The following ZNF721 variants were observed in gnomAD, a reference collection of about 807,000 sequenced individuals.
The protein encoded by ZNF721 is zinc finger protein 721.
A neutral mutation model predicts 2.4 loss-of-function variants in ZNF721; 2 were observed. The ratio of observed to expected loss-of-function variants is 0.82; its 90% CI spans 0.34 to 2.58. ZNF721 has a LOEUF of 2.58. Among genes scored for constraint, ZNF721 ranks in the 30% most tolerant of loss-of-function variants. ZNF721 has a pLI of 0.11. For synonymous variants in ZNF721, 398 were observed against 381.8 expected, an observed-to-expected ratio of 1.04 and a Z score of -0.50; for missense variants, 1,187 against 1,085.5, an observed-to-expected ratio of 1.09 and a Z score of -1.31.
At chr4:476,887 C>A (rs1194453470) in intron 1 of ZNF721, among the ~76,000 whole-genome samples, 2 of 152,182 alleles carry the variant, frequency 1.3e-5, no homozygotes, top group African/African-American at 4.8e-5. Context: ...TAGGGAAAGT[C>A]CAGAATTAAG....
intron 1 of ZNF721, among the ~76,000 whole-genome samples, chr4:475,539 A>T (rs771650849): frequency 4.8e-4 from 73 of 152,114 alleles, no homozygotes; most frequent in Non-Finnish European, 9.0e-4. Context: ...CTCTATGGTC[A>T]TTACTCATAC....
At chr4:464,858 T>C (rs1715192347) in intron 2 of ZNF721, among the ~76,000 whole-genome samples, 1 of 151,572 alleles carries the variant, frequency 6.6e-6, no homozygotes, top group Non-Finnish European at 1.5e-5. Flanking sequence ...GGCGGGAGGA[T>C]CACGAGGTCA....
chr4:444,540 TACC>T (rs1243120180), intron 2 of ZNF721, 108 bp from the exon 3 acceptor site: 32 of 1,123,762 alleles, frequency 2.8e-5, no homozygotes, highest in Non-Finnish European at 3.5e-5. Flanking sequence ...CATAACAAAA[TACC>T]ACAAGTCATA....
chr4:445,970 A>G (rs1174501966), intron 2 of ZNF721, among the ~76,000 whole-genome samples: 1 of 151,878 alleles, frequency 6.6e-6, no homozygotes, highest in Non-Finnish European at 1.5e-5. Context: ...GATGCTGGAG[A>G]AAAAAAAATT....
intron 2 of ZNF721, among the ~76,000 whole-genome samples, chr4:450,956 AATATATATAT>A (rs71166812): frequency 0.26 from 16,337 of 62,514 alleles, 2,752 homozygotes; most frequent in South Asian, 0.33. Flanking sequence ...AAAAAAAAAA[AATATATATAT>A]ATATATATAT....
intron 2 of ZNF721, among the ~76,000 whole-genome samples, chr4:460,904 T>C (rs557992614): frequency 2.1e-4 from 32 of 152,296 alleles, no homozygotes; most frequent in East Asian, 1.5e-3. Flanking sequence ...CAGGAAGAAG[T>C]TGAACCCCTG....
chr4:451,417 C>T (rs55721944), intron 2 of ZNF721, among the ~76,000 whole-genome samples: 22,421 of 152,100 alleles, frequency 0.15, 2,313 homozygotes, highest in African/African-American at 0.29. Context: ...AGTGATGGGA[C>T]CTCGTGCCAA....
At chr4:474,497 T>C (rs1715573639) in intron 1 of ZNF721, among the ~76,000 whole-genome samples, 1 of 152,180 alleles carries the variant, frequency 6.6e-6, no homozygotes, top group Admixed American at 6.5e-5. Flanking sequence ...ACAATTATTT[T>C]AATATTTTAC....
intron 2 of ZNF721, among the ~76,000 whole-genome samples, chr4:452,005 A>G (rs11947207): frequency 0.078 from 11,879 of 152,258 alleles, 719 homozygotes; most frequent in African/African-American, 0.17. Flanking sequence ...ATTTCCCGGT[A>G]TAGATGGTGC....
At chr4:468,206 G>A (rs1485978425) in intron 2 of ZNF721, among the ~76,000 whole-genome samples, 1 of 151,844 alleles carries the variant, frequency 6.6e-6, no homozygotes, top group Non-Finnish European at 1.5e-5. Context: ...GGCGGAGCTT[G>A]CAGTGAGCTG....
At chr4:469,933 G>A (rs1298193700) in intron 2 of ZNF721, among the ~76,000 whole-genome samples, 2 of 152,296 alleles carry the variant, frequency 1.3e-5, no homozygotes, top group Middle Eastern at 3.4e-3. Flanking sequence ...CCAGACTGGA[G>A]TGCAGTGGCG....
rs1300542542 is a variant in ZNF721, at chr4:442,135, T to C, written c.2332A>G (p.Lys778Glu). 15 of 1,613,526 alleles carry C rather than the reference T, an allele frequency of 9.3e-6. No individual in the cohort carries two copies. Among genetic ancestry groups the C allele is most frequent in the East Asian group, 2.2e-5 (1 of 44,882 alleles). ...CATTCCTTACATTTGTAGGGTTTCTTTCCAGTATGAATTTTCTCATGTCTA... is the reference window on the plus strand; with the variant it reads ...CATTCCTTACATTTGTAGGGTTTCTCTCCAGTATGAATTTTCTCATGTCTA... ...LNRHEKIHTG[K>E]KPYKCKECGK... The change falls in exon 3 of 3, where the codon AAG becomes GAG. Residue 778 changes from lysine (K) to glutamate (E), a missense_variant. By Grantham distance (56) the Lys-to-Glu change is moderately conservative. Transcript: ENST00000511833.
chr4:489,300 C>T (rs1380642723), intron 1 of ZNF721, among the ~76,000 whole-genome samples: 1 of 152,208 alleles, frequency 6.6e-6, no homozygotes, highest in African/African-American at 2.4e-5. Context: ...ATTCTTGCCA[C>T]ATAAAAGACC....
intron 1 of ZNF721, among the ~76,000 whole-genome samples, chr4:489,251 A>G (rs1240421003): frequency 6.6e-6 from 1 of 151,714 alleles, no homozygotes; most frequent in Non-Finnish European, 1.5e-5. Flanking sequence ...GGAGAAATTG[A>G]CCCCTCCCAT....
At chr4:472,750 G>A (rs1334556658) in intron 1 of ZNF721, 49 bp from the exon 2 acceptor site, 1 of 1,603,704 alleles carries the variant, frequency 6.2e-7, no homozygotes, top group African/African-American at 1.4e-5. Flanking sequence ...TTGACTACAG[G>A]TGAAATGTGT....
At chr4:459,179 C>T (rs1714939809) in intron 2 of ZNF721, among the ~76,000 whole-genome samples, 1 of 152,136 alleles carries the variant, frequency 6.6e-6, no homozygotes, top group African/African-American at 2.4e-5. Flanking sequence ...AAAACCGGTA[C>T]CACCCTCTGC....
In ZNF721 at chr4:442,862, G is replaced by C. The variant is rs782466109; in HGVS notation, c.1605C>G (p.Gly535=). 6.2e-7 allele frequency: 1 copy of C among 1,613,672 alleles called. No homozygotes were observed. Among genetic ancestry groups the C allele is most frequent in the Non-Finnish European group, 8.5e-7 (1 of 1,179,890 alleles). Residue 535 remains glycine, a synonymous_variant, in exon 3 of 3, where the codon GGC becomes GGG. Coordinates refer to ENST00000511833, the MANE Select transcript of ZNF721 (RefSeq NM_133474.4). ...GEKPYTCEVC[G]KAFRQSAILY... ...GGATTGCGGACTGTCTAAAGGCTTT[G>C]CCACATACTTCACATGTGTAGGGTT...
chr4:467,888 G>C (rs1715300891), intron 2 of ZNF721, among the ~76,000 whole-genome samples: 1 of 151,960 alleles, frequency 6.6e-6, no homozygotes, highest in Non-Finnish European at 1.5e-5. Flanking sequence ...TGTAAGCCCA[G>C]CACTTTGGGA....
chr4:493,171 T>TAA lies in ZNF721; in HGVS notation c.-94+5883_-94+5884dup, dbSNP rs79248295. ...CATTGCAAAATTATAACTGAGACAG[T>TAA]AAAAAAAAAAAAAAAAAAATATGGC... is the stretch of plus-strand genomic sequence containing the variant. On this transcript the variant is annotated intron_variant, in intron 1 of 2. Transcript: ENST00000511833. Among the ~76,000 whole-genome samples, 1,101 of 131,836 alleles carry TAA rather than the reference T, an allele frequency of 8.4e-3. 8 individuals are homozygous for TAA. The highest frequency in any genetic ancestry group is 0.018 in the African/African-American group (660 of 36,340). The allele number at this position is 131,836 out of a possible 152,430, so 86.5% of individuals were successfully genotyped here.
Sources: allele counts gnomAD v4.1 joint callset (sites outside exome capture counted in the v4.1 genomes callset), GRCh38; gene constraint gnomAD v4.1.1; transcripts MANE v1.5; gene names NCBI Gene and HGNC (gene_info 2026-07-23, HGNC 2026-07-21).